Variants in TENM3 observed in about 807,000 individuals in gnomAD.
The protein encoded by TENM3 is teneurin-3.
A neutral mutation model predicts 255.1 loss-of-function variants in TENM3; 63 were observed. That is an observed-to-expected ratio of 0.25 (90% confidence interval 0.20 to 0.30). The LOEUF is 0.30. Among genes scored for constraint, TENM3 ranks in the 10% least tolerant of loss-of-function variants. The pLI, the probability that TENM3 is intolerant of heterozygous loss-of-function variation, is 1.00. For missense variants in TENM3, 2,929 were observed against 3,461.1 expected (o/e 0.85, Z 3.86); for synonymous variants, 1,306 against 1,322.3 (o/e 0.99, Z 0.27).
At chr4:181,702,062 G>T in the TENM3 span, among the ~76,000 whole-genome samples, 1 of 152,108 alleles carries the variant, frequency 6.6e-6, no homozygotes, top group East Asian at 1.9e-4. Flanking sequence ...TGCAAATGTT[G>T]CTAGGCACAC....
At chr4:181,633,962 A>G in the TENM3 span, among the ~76,000 whole-genome samples, 4 of 151,578 alleles carry the variant, frequency 2.6e-5, no homozygotes, top group Admixed American at 2.0e-4. Context: ...AGGGAAGAAG[A>G]TCTCCTCTTT....
At chr4:181,998,153 TC>T in the TENM3 span, among the ~76,000 whole-genome samples, 2 of 152,170 alleles carry the variant, frequency 1.3e-5, no homozygotes, top group Non-Finnish European at 2.9e-5. Context: ...AGGGTCATGG[TC>T]ATTTCCAAAT....
At chr4:182,209,082 C>G (rs1268777988) in intron 1 of TENM3, among the ~76,000 whole-genome samples, 1 of 152,032 alleles carries the variant, frequency 6.6e-6, no homozygotes, top group African/African-American at 2.4e-5. Flanking sequence ...ATTCTCCTGC[C>G]TCAGCCTCCC....
At chr4:181,524,792 G>A in the TENM3 span, among the ~76,000 whole-genome samples, 1 of 152,078 alleles carries the variant, frequency 6.6e-6, no homozygotes, top group Admixed American at 6.6e-5. Flanking sequence ...GGGAAGTGAG[G>A]GGGAGGAAAA....
intron 1 of TENM3, among the ~76,000 whole-genome samples, chr4:182,244,312 G>A (rs549458093): frequency 1.5e-4 from 23 of 152,182 alleles, no homozygotes; most frequent in Admixed American, 3.9e-4. Context: ...TGGTGGTCAC[G>A]GCGATCACAA....
the TENM3 span, among the ~76,000 whole-genome samples, chr4:182,047,560 CAAAAAAAAAA>C: frequency 2.8e-5 from 2 of 72,320 alleles, no homozygotes; most frequent in African/African-American, 5.6e-5. Flanking sequence ...GACTCCATCT[CAAAAAAAAAA>C]AAAAAAAAAA....
the TENM3 span, among the ~76,000 whole-genome samples, chr4:181,872,087 T>A: frequency 6.6e-6 from 1 of 152,202 alleles, no homozygotes; most frequent in Non-Finnish European, 1.5e-5. Context: ...AGCTGGAAAG[T>A]ATTTAAATAT....
chr4:181,855,214 A>C, the TENM3 span, among the ~76,000 whole-genome samples: 1 of 152,188 alleles, frequency 6.6e-6, no homozygotes, highest in African/African-American at 2.4e-5. Flanking sequence ...AGACACTGTA[A>C]GCTTTCTTTG....
the TENM3 span, among the ~76,000 whole-genome samples, chr4:181,704,725 A>G: frequency 6.6e-6 from 1 of 151,942 alleles, no homozygotes; most frequent in East Asian, 1.9e-4. Context: ...AGGTGATGGG[A>G]TTTTAGTGAT....
At chr4:181,897,914 A>T in the TENM3 span, among the ~76,000 whole-genome samples, 127 of 152,318 alleles carry the variant, frequency 8.3e-4, no homozygotes, top group Admixed American at 4.2e-3. Flanking sequence ...GGCTTAAAAG[A>T]CTTGCTCTGC....
At chr4:181,740,117 C>T in the TENM3 span, among the ~76,000 whole-genome samples, 1 of 152,242 alleles carries the variant, frequency 6.6e-6, no homozygotes, top group East Asian at 1.9e-4. Flanking sequence ...GAATGAAATC[C>T]ACAGGTATTC....
At chr4:181,985,911 C>T in the TENM3 span, among the ~76,000 whole-genome samples, 1 of 151,994 alleles carries the variant, frequency 6.6e-6, no homozygotes, top group Non-Finnish European at 1.5e-5. Flanking sequence ...CTCTAGTTAC[C>T]TGCACCCTTT....
intron 12 of TENM3, among the ~76,000 whole-genome samples, chr4:182,702,163 C>T (rs1207400883): frequency 6.6e-6 from 1 of 152,060 alleles, no homozygotes; most frequent in Non-Finnish European, 1.5e-5. Flanking sequence ...TTCTTTATTC[C>T]AAAAAGCTGA....
chr4:181,931,980 C>G, the TENM3 span, among the ~76,000 whole-genome samples: 3 of 152,152 alleles, frequency 2.0e-5, no homozygotes, highest in African/African-American at 7.2e-5. Context: ...AAAACTGAAA[C>G]TGGACCCCTT....
At chr4:182,314,241 C>T (rs1762616996) in intron 1 of TENM3, among the ~76,000 whole-genome samples, 1 of 151,668 alleles carries the variant, frequency 6.6e-6, no homozygotes, top group Non-Finnish European at 1.5e-5. Context: ...GCGGAGCTTG[C>T]AGTGAGCCGA....
intron 3 of TENM3, among the ~76,000 whole-genome samples, chr4:182,446,455 T>C (rs1330320330): frequency 2.0e-5 from 3 of 152,202 alleles, no homozygotes; most frequent in Non-Finnish European, 4.4e-5. Flanking sequence ...TTCTTGAGAT[T>C]CATCTTGACC....
intron 11 of TENM3, among the ~76,000 whole-genome samples, chr4:182,687,640 A>T (rs1348155847): frequency 1.3e-5 from 2 of 152,228 alleles, no homozygotes; most frequent in Non-Finnish European, 2.9e-5. Flanking sequence ...AAGCTAATTT[A>T]CTTAAGTAGA....
chr4:182,161,804 C>CAA (rs1379600252), intron 1 of TENM3, among the ~76,000 whole-genome samples: 2,103 of 17,256 alleles, frequency 0.12, 707 homozygotes, highest in African/African-American at 0.3. Flanking sequence ...TATATATATA[C>CAA]ACATATATAT....
At chr4:181,479,710 C>T in the TENM3 span, among the ~76,000 whole-genome samples, 4 of 152,002 alleles carry the variant, frequency 2.6e-5, no homozygotes, top group Admixed American at 6.6e-5. Flanking sequence ...AAAAGATAAA[C>T]ATCTTTTGAA....
Sources: gnomAD v4.1 joint callset for allele counts (sites outside exome capture counted in the v4.1 genomes callset) on GRCh38, gnomAD v4.1.1 for gene constraint, MANE v1.5 for transcripts, NCBI Gene and HGNC (gene_info 2026-07-23, HGNC 2026-07-21) for gene names.